Variants in F2R observed in about 807,000 individuals in gnomAD.
F2R encodes the protein coagulation factor II thrombin receptor, also known as proteinase-activated receptor 1.
A neutral mutation model predicts 18.3 loss-of-function variants in F2R; 12 were observed. The ratio of observed to expected loss-of-function variants is 0.66; its 90% CI spans 0.42 to 1.06. F2R has a LOEUF of 1.06. Ranked by LOEUF, F2R falls within the 50% of genes least tolerant of loss-of-function variation. F2R has a pLI of 0.00. For missense variants in F2R, 438 were observed against 530.8 expected, an observed-to-expected ratio of 0.83 and a Z score of 1.72; for synonymous variants, 210 against 219.9, an observed-to-expected ratio of 0.95 and a Z score of 0.40.
At chr5:76,730,634 ACTAT>A (rs368126105) in intron 1 of F2R, among the ~76,000 whole-genome samples, 4 of 152,172 alleles carry the variant, frequency 2.6e-5, no homozygotes, top group African/African-American at 9.7e-5. Flanking sequence ...AATTCTGGAC[ACTAT>A]CTACCTCTAA....
Position 76,732,832 on chromosome 5 carries a change from G to A in F2R, c.607G>A (p.Ala203Thr), listed in dbSNP as rs1300150994. Residue 203 changes from alanine to threonine, a missense_variant, in exon 2 of 2, where the codon GCT becomes ACT. By Grantham distance (58) the Ala-to-Thr change is moderately conservative. Coordinates refer to ENST00000319211, the MANE Select transcript of F2R (RefSeq NM_001992.5). Reference protein sequence around the residue: ...MTVISIDRFLAVVYPMQSLSW... With the variant: ...MTVISIDRFLTVVYPMQSLSW... ...AGTCATAAGCATTGACCGGTTTCTG[G>A]CTGTGGTGTATCCCATGCAGTCCCT... 1.2e-6 allele frequency: 2 copies of A among 1,614,168 alleles called. No individual in the cohort carries two copies. The highest frequency in any genetic ancestry group is 2.2e-5 in the East Asian group (1 of 44,886).
rs1748335531 is a variant in F2R at position 76,716,142 on chromosome 5, G to C, written c.-166G>C. On this transcript the variant is annotated 5_prime_UTR_variant, in exon 1 of 2. Transcript: ENST00000319211. The stretch of plus-strand genomic sequence containing the variant: ...CGCCCCGCTAACCGCCCCAGACACA[G>C]CGCTCGCCGAGGGTCGCTTGGACCC... The C allele has an allele frequency of 4.3e-6, 2 of 468,548 alleles. No individual in the cohort carries two copies. Among genetic ancestry groups the C allele is most frequent in the Non-Finnish European group, 7.0e-6 (2 of 287,612 alleles). 29.0% of individuals were successfully genotyped at this position (468,548 alleles called of 1,614,324 possible).
Position 76,726,184 on chromosome 5 carries a change from G to A in F2R, c.89-6130G>A, listed in dbSNP as rs147991579. On this transcript the variant is annotated intron_variant, in intron 1 of 1. Coordinates refer to ENST00000319211, the MANE Select transcript of F2R (RefSeq NM_001992.5). ...GTGGGTGGATCACTTGAGGCCAGGA[G>A]CATGAGACTAGCTGGCAAGCATGGT... is the stretch of plus-strand genomic sequence containing the variant. Among the ~76,000 whole-genome samples the A allele has an allele frequency of 1.5e-4, 23 of 152,054 alleles. No individual in the cohort carries two copies. The East Asian group carries it at 4.1e-3, about 27-fold the overall frequency.
At position 76,733,640 on chromosome 5, in the gene F2R, G is replaced by A; in HGVS notation, c.*137G>A. On this transcript the variant is annotated 3_prime_UTR_variant, in exon 2 of 2. Transcript: ENST00000319211. ...TACGACTTGCATACCTGCTTTTTATGGGAGCTGTCAAGCATGTATTTTTGT... is the reference window on the plus strand; with the variant it reads ...TACGACTTGCATACCTGCTTTTTATAGGAGCTGTCAAGCATGTATTTTTGT... The A allele has an allele frequency of 4.5e-6, 3 of 667,710 alleles. No homozygotes were observed. The highest frequency in any genetic ancestry group is 5.0e-6 in the Non-Finnish European group (2 of 403,336). 41.4% of individuals were successfully genotyped at this position (667,710 alleles called of 1,614,324 possible). A position where few individuals can be genotyped will look rare whatever the true frequency, so the allele number is the denominator to read the frequency against.
intron 1 of F2R, among the ~76,000 whole-genome samples, chr5:76,730,947 G>A (rs912557921): frequency 3.3e-5 from 5 of 152,208 alleles, no homozygotes; most frequent in East Asian, 1.9e-4. Context: ...ATAGGGCAGC[G>A]ATTGTGGGAA....
chr5:76,730,038 C>G (rs1413201087), intron 1 of F2R, among the ~76,000 whole-genome samples: 1 of 152,150 alleles, frequency 6.6e-6, no homozygotes, highest in African/African-American at 2.4e-5. Flanking sequence ...AACTGTAAGT[C>G]CAATAAACCA....
At chr5:76,726,878 A>G (rs898805236) in intron 1 of F2R, among the ~76,000 whole-genome samples, 3 of 152,234 alleles carry the variant, frequency 2.0e-5, no homozygotes, top group Non-Finnish European at 2.9e-5. Flanking sequence ...GAACAGCCTC[A>G]CATCCACAGG....
chr5:76,733,040 C>T lies in F2R; in HGVS notation c.815C>T (p.Ser272Leu). Residue 272 changes from serine to leucine, a missense_variant, in exon 2 of 2, where the codon TCA (serine) becomes TTA (leucine). Ser to Leu is a moderately radical substitution (Grantham distance 145). Transcript: ENST00000319211. ...LLEGYYAYYFSAFSAVFFFVP... is the reference protein window; with the variant it reads ...LLEGYYAYYFLAFSAVFFFVP... ...GAAGGCTACTATGCCTACTACTTCTCAGCCTTCTCTGCTGTCTTCTTTTTT... is the reference window on the plus strand; with the variant it reads ...GAAGGCTACTATGCCTACTACTTCTTAGCCTTCTCTGCTGTCTTCTTTTTT... 1 of 1,614,212 alleles carries T rather than the reference C, an allele frequency of 6.2e-7. No homozygotes were observed. The highest frequency in any genetic ancestry group is 8.5e-7 in the Non-Finnish European group (1 of 1,180,050).
At chr5:76,727,285 C>G (rs1372897472) in intron 1 of F2R, among the ~76,000 whole-genome samples, 4 of 152,094 alleles carry the variant, frequency 2.6e-5, no homozygotes, top group East Asian at 1.9e-4. Flanking sequence ...GATTTGTAGG[C>G]CAGACAGGAA....
At position 76,716,387 on chromosome 5, in the gene F2R, G is replaced by T. The variant is rs1156298561; in HGVS notation, c.80G>T (p.Arg27Leu). Residue 27 changes from arginine to leucine, a missense_variant, in exon 1 of 2, where the codon CGC (arginine) becomes CTC (leucine). Coordinates refer to ENST00000319211, the MANE Select transcript of F2R (RefSeq NM_001992.5). ...GPLLSARTRA[R>L]RPESKATNAT... ...CTGTTGTCTGCCCGCACCCGGGCCC[G>T]CAGGCCAGGTGAGAGATGCACGGGA... 1.4e-6 allele frequency: 2 copies of T among 1,448,544 alleles called. No homozygotes were observed. The highest frequency in any genetic ancestry group is 1.5e-5 in the African/African-American group (1 of 68,474). 89.7% of individuals were successfully genotyped at this position (1,448,544 alleles called of 1,614,324 possible). A position where few individuals can be genotyped will look rare whatever the true frequency, so the allele number is the denominator to read the frequency against.
intron 1 of F2R, among the ~76,000 whole-genome samples, chr5:76,727,972 C>T (rs1481899902): frequency 1.1e-4 from 16 of 150,950 alleles, no homozygotes; most frequent in African/African-American, 3.4e-4. Flanking sequence ...ACTGTAGCCT[C>T]GATCTCCCAG....
In F2R at chr5:76,733,073, T is replaced by C; in HGVS notation, c.848T>C (p.Leu283Pro). Residue 283 changes from leucine (L) to proline (P), a missense_variant, in exon 2 of 2, where the codon CTG becomes CCG. Transcript: ENST00000319211. ...TCTGCTGTCTTCTTTTTTGTGCCGC[T>C]GATCATTTCCACGGTCTGTTATGTG... Reference protein sequence around the residue: ...AFSAVFFFVPLIISTVCYVSI... With the variant: ...AFSAVFFFVPPIISTVCYVSI... The C allele has an allele frequency of 6.2e-7, 1 of 1,614,194 alleles. No individual in the cohort carries two copies. Among genetic ancestry groups the C allele is most frequent in the Non-Finnish European group, 8.5e-7 (1 of 1,180,044 alleles).
In F2R at chr5:76,733,560, G is replaced by T. The variant is rs1748724798; in HGVS notation, c.*57G>T. On this transcript the variant is annotated 3_prime_UTR_variant, in exon 2 of 2. Coordinates refer to ENST00000319211, the MANE Select transcript of F2R (RefSeq NM_001992.5). ...AGTTTATAAAAGTGAATAACCTGAG[G>T]ATTCTATTAGTCCCCACCCAAACTT... 1 of 1,358,946 alleles carries T rather than the reference G, an allele frequency of 7.4e-7. No individual in the cohort carries two copies. The highest frequency in any genetic ancestry group is 1.0e-6 in the Non-Finnish European group (1 of 1,001,710). The allele number at this position is 1,358,946 out of a possible 1,614,324, so 84.2% of individuals were successfully genotyped here. A position where few individuals can be genotyped will look rare whatever the true frequency, so the allele number is the denominator to read the frequency against.
chr5:76,722,497 T>C (rs1012407935), intron 1 of F2R, among the ~76,000 whole-genome samples: 1 of 151,906 alleles, frequency 6.6e-6, no homozygotes, highest in Non-Finnish European at 1.5e-5. Flanking sequence ...TGCTGTGGCG[T>C]TGGGTACACC....
Position 76,729,382 on chromosome 5 carries a change from G to A in F2R, c.89-2932G>A, listed in dbSNP as rs535307947. On this transcript the variant is annotated intron_variant, in intron 1 of 1. Transcript: ENST00000319211. ...GTTATCTTGCTGTTGAGTTATAGGA[G>A]TTCCTTATATATTTTGGATATTAAC... is the stretch of plus-strand genomic sequence containing the variant. Among the ~76,000 whole-genome samples the A allele has an allele frequency of 4.1e-4, 63 of 152,280 alleles. 1 individual carries two copies. In the South Asian group the frequency reaches 0.013, roughly 31 times the overall value.
intron 1 of F2R, among the ~76,000 whole-genome samples, chr5:76,723,788 A>T (rs1748509979): frequency 1.3e-5 from 2 of 152,204 alleles, no homozygotes; most frequent in Non-Finnish European, 2.9e-5. Context: ...TTTAACTTTT[A>T]TTATGGGATT....
rs148866573 is a variant in F2R at position 76,719,538 on chromosome 5, G to C, written c.88+3143G>C. On this transcript the variant is annotated intron_variant, in intron 1 of 1. Transcript: ENST00000319211. ...TGGAAGGCAGAGGTTGCAGGGAACT[G>C]AGATTGTGCCACTGCACTCCAGTCT... Among the ~76,000 whole-genome samples the C allele has an allele frequency of 8.8e-4, 133 of 151,970 alleles. 1 individual carries two copies. The highest frequency in any genetic ancestry group is 2.8e-3 in the Admixed American group (43 of 15,280).
At position 76,729,201 on chromosome 5, in the gene F2R, C is replaced by A. The variant is rs556064227; in HGVS notation, c.89-3113C>A. ...TGTCATCTTTTTGATAATATCCATTCTAACAGGTATGAAGTGATAACTCAT... is the reference window on the plus strand; with the variant it reads ...TGTCATCTTTTTGATAATATCCATTATAACAGGTATGAAGTGATAACTCAT... On this transcript the variant is annotated intron_variant, in intron 1 of 1. Coordinates refer to ENST00000319211, the MANE Select transcript of F2R (RefSeq NM_001992.5). Among the ~76,000 whole-genome samples the A allele has an allele frequency of 3.3e-5, 5 of 152,318 alleles. No individual in the cohort carries two copies. In the East Asian group the frequency reaches 9.6e-4, roughly 29 times the overall value.
At chr5:76,716,430 A>G in intron 1 of F2R, 35 bp downstream of exon 1, 1 of 1,386,388 alleles carries the variant, frequency 7.2e-7, no homozygotes, top group Non-Finnish European at 9.4e-7. Flanking sequence ...GCGCGGGCGG[A>G]GGGACGCCGA....
Sources: gnomAD v4.1 joint callset for allele counts (sites outside exome capture counted in the v4.1 genomes callset) on GRCh38, gnomAD v4.1.1 for gene constraint, MANE v1.5 for transcripts, NCBI Gene and HGNC (gene_info 2026-07-23, HGNC 2026-07-21) for gene names.